CEBPZ: variants seen among roughly 807,000 people sequenced by gnomAD.
CEBPZ encodes CCAAT/enhancer-binding protein zeta.
CEBPZ carries 78 observed loss-of-function variants against 104.5 expected under a neutral mutation model. The observed-to-expected ratio is 0.75, with a 90% confidence interval of 0.62 to 0.90. The LOEUF (loss-of-function observed/expected upper bound fraction) is 0.90. Among genes scored for constraint, CEBPZ ranks in the 40% least tolerant of loss-of-function variants. The pLI is 0.00. For synonymous variants in CEBPZ, 470 were observed against 427.0 expected, an observed-to-expected ratio of 1.10 and a Z score of -1.24; for missense variants, 1,439 against 1,233.5, an observed-to-expected ratio of 1.17 and a Z score of -2.50.
At chr2:37,229,137 G>A (rs2148364633) in intron 1 of CEBPZ, 101 bp from the exon 2 acceptor site, 2 of 1,072,100 alleles carry the variant, frequency 1.9e-6, no homozygotes, top group Non-Finnish European at 1.2e-6. Flanking sequence ...TTTCGGAACT[G>A]GAAAAATCCT....
At chr2:37,223,667 T>C (rs1281642008) in intron 2 of CEBPZ, among the ~76,000 whole-genome samples, 1 of 152,242 alleles carries the variant, frequency 6.6e-6, no homozygotes, top group Non-Finnish European at 1.5e-5. Context: ...AGTGTTTTTC[T>C]GTTTTCTATA....
intron 13 of CEBPZ, chr2:37,203,928 T>A (rs1269717520): frequency 6.6e-6 from 1 of 152,250 alleles, no homozygotes; most frequent in African/African-American, 2.4e-5. Flanking sequence ...CACATTTTGC[T>A]TATCAGTTAA....
At chr2:37,208,575 T>C (rs1299151871) in intron 13 of CEBPZ, among the ~76,000 whole-genome samples, 1 of 152,090 alleles carries the variant, frequency 6.6e-6, no homozygotes, top group Non-Finnish European at 1.5e-5. Flanking sequence ...AGAAAAAGCA[T>C]TTGACAAAAT....
At position 37,228,540 on chromosome 2, in the gene CEBPZ, T is replaced by C. The variant is rs147428280; in HGVS notation, c.653A>G (p.Asn218Ser). 176 of 1,614,220 alleles carry C rather than the reference T, an allele frequency of 1.1e-4. No individual in the cohort carries two copies. The African/African-American group carries it at 1.9e-3, about 18-fold the overall frequency. ...ACTATTCGTCTTACTTTTGAATAAG[T>C]TGATTTCATGCTGATACAGCTTCTG... is the stretch of plus-strand genomic sequence containing the variant. ...LAQKLYQHEI[N>S]LFKSKTNSQK... is the part of the protein sequence containing the mutation. The change falls in exon 2 of 16, where the codon AAC becomes AGC. Residue 218 changes from asparagine (N) to serine (S), a missense_variant. Coordinates refer to ENST00000234170, the MANE Select transcript of CEBPZ (RefSeq NM_005760.3).
intron 2 of CEBPZ, 35 bp from the exon 3 acceptor site, chr2:37,223,436 T>C (rs766825618): frequency 1.1e-5 from 17 of 1,557,692 alleles, no homozygotes; most frequent in Admixed American, 1.7e-5. Flanking sequence ...TATTTATGTA[T>C]AAAACCATCT....
intron 5 of CEBPZ, among the ~76,000 whole-genome samples, chr2:37,217,956 A>G (rs1261511144): frequency 6.6e-6 from 1 of 150,462 alleles, no homozygotes; most frequent in East Asian, 2.0e-4. Flanking sequence ...ACATACTAGT[A>G]AGTAGCATAT....
rs1183257413 is a variant in CEBPZ, at chr2:37,228,589, C to CA, written c.603dup (p.Val202CysfsTer3). ...TGAGCAAGGGTTTTGTACTTAGATA[C>CA]AACATCCTGAGGCTGGGGTTTCAAA... On this transcript the variant is annotated frameshift_variant, in exon 2 of 16. Transcript: ENST00000234170. LOFTEE classifies it high-confidence loss of function. 20 of 1,614,050 alleles carry CA rather than the reference C, an allele frequency of 1.2e-5. No homozygotes were observed. Among genetic ancestry groups the CA allele is most frequent in the Non-Finnish European group, 1.7e-5 (20 of 1,180,022 alleles).
chr2:37,202,239 GTTT>G lies in CEBPZ; in HGVS notation c.3026-339_3026-337del, dbSNP rs763186990. Reference sequence around the variant, plus strand: ...AAAAGTAATTTTTGTAGTCTGCAAGGTTTTTTTTTTTTTTGCTTTAGTCTAAAT... The same window carrying G: ...AAAAGTAATTTTTGTAGTCTGCAAGGTTTTTTTTTTTGCTTTAGTCTAAAT... On this transcript the variant is annotated intron_variant, in intron 15 of 15. Coordinates refer to ENST00000234170, the MANE Select transcript of CEBPZ (RefSeq NM_005760.3). The G allele has an allele frequency of 3.8e-3, 544 of 142,556 alleles. 4 individuals are homozygous for G. Among genetic ancestry groups the G allele is most frequent in the African/African-American group, 0.014 (503 of 37,032 alleles). The allele number at this position is 142,556 out of a possible 1,614,324, so 8.8% of individuals were successfully genotyped here.
rs539189107 is a variant in CEBPZ at position 37,222,596 on chromosome 2, A to T, written c.1882-33T>A. 10 of 1,463,404 alleles carry T rather than the reference A, an allele frequency of 6.8e-6. No homozygotes were observed. The East Asian group carries it at 2.1e-4, about 31-fold the overall frequency. The allele number at this position is 1,463,404 out of a possible 1,614,324, so 90.7% of individuals were successfully genotyped here. ...AAGTATAGTTTCATAAATCTACATAAATCAACTGGAAGTTGCAATAAAGTC... is the reference window on the plus strand; with the variant it reads ...AAGTATAGTTTCATAAATCTACATATATCAACTGGAAGTTGCAATAAAGTC... On this transcript the variant is annotated intron_variant, in intron 3 of 15. Coordinates refer to ENST00000234170, the MANE Select transcript of CEBPZ (RefSeq NM_005760.3).
intron 11 of CEBPZ, 52 bp from the exon 12 acceptor site, chr2:37,212,091 A>G: frequency 6.7e-7 from 1 of 1,492,188 alleles, no homozygotes; most frequent in Non-Finnish European, 9.0e-7. Flanking sequence ...TTTCTAAAGT[A>G]GTGTTTTGCT....
At chr2:37,221,221 T>C (rs1572505851) in intron 4 of CEBPZ, among the ~76,000 whole-genome samples, 1 of 151,930 alleles carries the variant, frequency 6.6e-6, no homozygotes, top group African/African-American at 2.4e-5. Context: ...GAGGCTGAGG[T>C]GGGAGGATCG....
rs1337095587 is a variant in CEBPZ at position 37,211,049 on chromosome 2, T to TG, written c.2833_2834insC (p.Lys945ThrfsTer9). On this transcript the variant is annotated frameshift_variant, in exon 13 of 16. Transcript: ENST00000234170. LOFTEE classifies it high-confidence loss of function. Reference sequence around the variant, plus strand: ...ATCATCTGTACCTTTTCTCTTGCTTTTCTTAGTACTGACTTTGGAGTGGAC... The same window carrying TG: ...ATCATCTGTACCTTTTCTCTTGCTTTGTCTTAGTACTGACTTTGGAGTGGAC... 24 of 1,612,222 alleles carry TG rather than the reference T, an allele frequency of 1.5e-5. No homozygotes were observed. The highest frequency in any genetic ancestry group is 1.7e-5 in the Non-Finnish European group (20 of 1,179,552).
Position 37,220,474 on chromosome 2 carries a change from C to T in CEBPZ, c.2066-1G>A. 6.5e-7 allele frequency: 1 copy of T among 1,536,112 alleles called. No homozygotes were observed. Among genetic ancestry groups the T allele is most frequent in the South Asian group, 1.2e-5 (1 of 85,720 alleles). The stretch of plus-strand genomic sequence containing the variant: ...TCGTATTTATTTAACTGTTTCCCAC[C>T]TAGGAATAACAAAAAAAATACGATT... On this transcript the variant is annotated splice_acceptor_variant, in intron 4 of 15. Transcript: ENST00000234170. LOFTEE classifies it high-confidence loss of function.
chr2:37,227,773 T>C lies in CEBPZ; in HGVS notation c.1420A>G (p.Lys474Glu), dbSNP rs1436450003. Residue 474 changes from lysine to glutamate, a missense_variant, in exon 2 of 16, where the codon AAA (lysine) becomes GAA (glutamate). Physicochemically the swap from Lys to Glu is moderately conservative, Grantham distance 56. Transcript: ENST00000234170. ...ATTTTTGATTCAACATCTTTTTTTT[T>C]GACACAAGTCCGAAAAAAGCAAAAG... ...VYFCFFRTCVKKKDVESKMLS... is the reference protein window; with the variant it reads ...VYFCFFRTCVEKKDVESKMLS... 2 of 1,614,006 alleles carry C rather than the reference T, an allele frequency of 1.2e-6. No homozygotes were observed. The highest frequency in any genetic ancestry group is 8.5e-7 in the Non-Finnish European group (1 of 1,180,000).
intron 5 of CEBPZ, among the ~76,000 whole-genome samples, chr2:37,217,457 A>G (rs1193906084): frequency 6.6e-6 from 1 of 152,212 alleles, no homozygotes; most frequent in Non-Finnish European, 1.5e-5. Flanking sequence ...ACATTAAAAA[A>G]GTGATTCTCA....
At chr2:37,222,073 C>T (rs1227130780) in intron 4 of CEBPZ, among the ~76,000 whole-genome samples, 1 of 152,108 alleles carries the variant, frequency 6.6e-6, no homozygotes, top group Admixed American at 6.5e-5. Flanking sequence ...CACCTGAGGT[C>T]AGGAGTTTGA....
intron 10 of CEBPZ, 173 bp from the exon 11 acceptor site, chr2:37,212,565 G>A: frequency 1.7e-6 from 1 of 571,548 alleles, no homozygotes; most frequent in South Asian, 2.4e-5. Context: ...ACAAACCTGT[G>A]AAATACTGAT....
At chr2:37,230,099 A>C (rs1366066020) in intron 1 of CEBPZ, among the ~76,000 whole-genome samples, 3 of 152,244 alleles carry the variant, frequency 2.0e-5, no homozygotes, top group Non-Finnish European at 4.4e-5. Context: ...ACTGGCAATA[A>C]TTTAAATATT....
rs753764707 is a variant in CEBPZ at position 37,231,457 on chromosome 2, C to G, written c.111G>C (p.Glu37Asp). 14 of 1,614,232 alleles carry G rather than the reference C, an allele frequency of 8.7e-6. No homozygotes were observed. Among genetic ancestry groups the G allele is most frequent in the Non-Finnish European group, 1.2e-5 (14 of 1,180,040 alleles). The change falls in exon 1 of 16, where the codon GAG becomes GAC. Residue 37 changes from glutamate (E) to aspartate (D), a missense_variant. Transcript: ENST00000234170. The part of the protein sequence containing the change: ...EEDEDNTSEA[E>D]NGFSLEEVLR... ...ACACTTCCTCCAGGGAGAACCCATT[C>G]TCGGCTTCACTAGTATTATCCTCAT... is the stretch of plus-strand genomic sequence containing the variant.
Sources: gnomAD v4.1 joint callset for allele counts (sites outside exome capture counted in the v4.1 genomes callset) on GRCh38, gnomAD v4.1.1 for gene constraint, MANE v1.5 for transcripts, NCBI Gene and HGNC (gene_info 2026-07-23, HGNC 2026-07-21) for gene names.